The following GPR149 variants were observed in gnomAD, a reference collection of about 807,000 sequenced individuals.
The protein encoded by GPR149 is probable G protein-coupled receptor 149.
Under a neutral mutation model 50.2 loss-of-function variants are expected in GPR149, and 50 were observed. The observed-to-expected ratio is 1.00, with a 90% CI of 0.79 to 1.26. The LOEUF is 1.26. Among genes scored for constraint, GPR149 ranks in the 50% most tolerant of loss-of-function variants. The pLI, the probability that GPR149 is intolerant of heterozygous loss-of-function variation, is 0.00. For synonymous variants in GPR149, 405 were observed against 358.2 expected (o/e 1.13, Z -1.48); for missense variants, 983 against 895.4 (o/e 1.10, Z -1.25).
intron 3 of GPR149, among the ~76,000 whole-genome samples, chr3:154,370,004 G>A (rs537595195): frequency 5.3e-5 from 8 of 152,288 alleles, no homozygotes; most frequent in South Asian, 2.1e-4. Context: ...GATTGGAGCC[G>A]CAGGCATTTG....
intron 3 of GPR149, among the ~76,000 whole-genome samples, chr3:154,418,547 C>T (rs1343772051): frequency 1.4e-5 from 1 of 70,230 alleles, no homozygotes; most frequent in Non-Finnish European, 2.9e-5. Flanking sequence ...TCATCGTTCT[C>T]AGTAAACTAT....
chr3:154,346,417 T>C (rs187511491), intron 3 of GPR149, among the ~76,000 whole-genome samples: 78 of 152,280 alleles, frequency 5.1e-4, no homozygotes, highest in South Asian at 2.9e-3. Context: ...CATTTAAATG[T>C]TTGATGAACA....
intron 3 of GPR149, among the ~76,000 whole-genome samples, chr3:154,403,413 C>A (rs193224819): frequency 7.9e-5 from 12 of 152,112 alleles, no homozygotes; most frequent in Admixed American, 2.0e-4. Flanking sequence ...AGGGTGTCAG[C>A]GCTTTTTATG....
At chr3:154,417,919 A>C (rs1712032765) in intron 3 of GPR149, among the ~76,000 whole-genome samples, 1 of 152,146 alleles carries the variant, frequency 6.6e-6, no homozygotes, top group Non-Finnish European at 1.5e-5. Context: ...GAACATTTTA[A>C]ACTTTGTGAT....
chr3:154,357,531 A>G (rs1714268513), intron 3 of GPR149, among the ~76,000 whole-genome samples: 1 of 152,196 alleles, frequency 6.6e-6, no homozygotes, highest in African/African-American at 2.4e-5. Flanking sequence ...CAAAGGACAC[A>G]TGAAAAAATG....
intron 3 of GPR149, chr3:154,352,157 G>GC: frequency 1.3e-6 from 1 of 760,424 alleles, no homozygotes; most frequent in Non-Finnish European, 2.1e-6. Flanking sequence ...TCCATTTGTG[G>GC]CCCCCACTTC....
At chr3:154,415,245 T>A (rs1258978050) in intron 3 of GPR149, among the ~76,000 whole-genome samples, 2 of 151,868 alleles carry the variant, frequency 1.3e-5, no homozygotes, top group Non-Finnish European at 2.9e-5. Context: ...ACAGAATTCT[T>A]AGCTAACAGA....
intron 1 of GPR149, 118 bp from the exon 2 acceptor site, chr3:154,427,826 G>T: frequency 1.0e-6 from 1 of 953,976 alleles, no homozygotes; most frequent in East Asian, 2.7e-5. Context: ...ATGGACAGCG[G>T]GGACCTCTGC....
chr3:154,424,684 A>T lies in GPR149; in HGVS notation c.1174+2832T>A, dbSNP rs569646453. 2.6e-5 allele frequency among the ~76,000 whole-genome samples: 4 copies of T among 151,956 alleles called. No homozygotes were observed. The South Asian group carries it at 6.2e-4, about 24-fold the overall frequency. On this transcript the variant is annotated intron_variant, in intron 2 of 3. Coordinates refer to ENST00000389740, the MANE Select transcript of GPR149 (RefSeq NM_001038705.3). ...TTTTGAAATTTATACTAAACATCTT[A>T]AAAATAAATATAATTTTTGTTCTTA...
chr3:154,390,567 T>G (rs960767064), intron 3 of GPR149, among the ~76,000 whole-genome samples: 1 of 151,952 alleles, frequency 6.6e-6, no homozygotes, highest in Non-Finnish European at 1.5e-5. Flanking sequence ...AAGGGACTTA[T>G]AGGATGCCAT....
intron 3 of GPR149, among the ~76,000 whole-genome samples, chr3:154,383,745 C>A (rs1404545234): frequency 6.6e-6 from 1 of 151,928 alleles, no homozygotes; most frequent in African/African-American, 2.4e-5. Context: ...GTATGTTGAT[C>A]TTTAATCCCC....
chr3:154,418,644 A>C (rs910631108), intron 3 of GPR149, among the ~76,000 whole-genome samples: 1 of 122,628 alleles, frequency 8.2e-6, no homozygotes, highest in East Asian at 2.5e-4. Flanking sequence ...GAAGGGGAAC[A>C]TCACACTCTG....
chr3:154,354,823 G>C (rs1053517083), intron 3 of GPR149: 2 of 514,560 alleles, frequency 3.9e-6, no homozygotes, highest in Admixed American at 9.0e-5. Flanking sequence ...CTCCCTCCAC[G>C]CACAGTGGCC....
chr3:154,372,509 C>T (rs561773945), intron 3 of GPR149, among the ~76,000 whole-genome samples: 10 of 152,108 alleles, frequency 6.6e-5, no homozygotes, highest in South Asian at 2.1e-4. Flanking sequence ...CTTGCCATGC[C>T]GCTGCAAGGT....
At chr3:154,395,657 A>G (rs1715273520) in intron 3 of GPR149, among the ~76,000 whole-genome samples, 1 of 152,014 alleles carries the variant, frequency 6.6e-6, no homozygotes, top group South Asian at 2.1e-4. Context: ...TTAGCCAGGC[A>G]TGGTGGTGTG....
intron 3 of GPR149, among the ~76,000 whole-genome samples, chr3:154,348,990 C>T (rs1364125728): frequency 6.6e-6 from 1 of 151,860 alleles, no homozygotes; most frequent in East Asian, 1.9e-4. Context: ...AGAGAATCTC[C>T]AAGCCCTTGG....
chr3:154,358,600 C>T (rs993916293), intron 3 of GPR149, among the ~76,000 whole-genome samples: 6 of 152,028 alleles, frequency 3.9e-5, no homozygotes, highest in South Asian at 4.1e-4. Flanking sequence ...AAAGCCACTA[C>T]GCAGCCTACA....
chr3:154,368,476 G>A (rs1275897812), intron 3 of GPR149, among the ~76,000 whole-genome samples: 31 of 152,200 alleles, frequency 2.0e-4, no homozygotes, highest in Non-Finnish European at 1.5e-4. Context: ...TAATTTTCAT[G>A]TGAATAGTAA....
intron 3 of GPR149, among the ~76,000 whole-genome samples, chr3:154,344,805 C>A (rs538839959): frequency 6.6e-6 from 1 of 152,282 alleles, no homozygotes; most frequent in African/African-American, 2.4e-5. Context: ...CTTCCCAACA[C>A]CATATTTCAG....
Sources: allele counts gnomAD v4.1 joint callset (sites outside exome capture counted in the v4.1 genomes callset), GRCh38; gene constraint gnomAD v4.1.1; transcripts MANE v1.5; gene names NCBI Gene and HGNC (gene_info 2026-07-23, HGNC 2026-07-21).